Variants in HEATR5B observed in about 807,000 individuals in gnomAD.
The protein encoded by HEATR5B is HEAT repeat containing 5B, also known as HEAT repeat-containing protein 5B.
A neutral mutation model predicts 224.1 loss-of-function variants in HEATR5B; 156 were observed. The ratio of observed to expected loss-of-function variants is 0.70; its 90% CI spans 0.61 to 0.80. The LOEUF (loss-of-function observed/expected upper bound fraction) is 0.80. Ranked by LOEUF, HEATR5B falls within the 30% of genes least tolerant of loss-of-function variation. The pLI, the probability that HEATR5B is intolerant of heterozygous loss-of-function variation, is 0.00. For synonymous variants in HEATR5B, 1,027 were observed against 893.0 expected, an observed-to-expected ratio of 1.15 and a Z score of -2.68; for missense variants, 2,323 against 2,535.5, an observed-to-expected ratio of 0.92 and a Z score of 1.80.
chr2:37,039,418 A>T (rs922312242), intron 20 of HEATR5B, among the ~76,000 whole-genome samples: 1 of 152,044 alleles, frequency 6.6e-6, no homozygotes, highest in African/African-American at 2.4e-5. Context: ...GTCAGCTGAG[A>T]CCACACCACT....
chr2:37,074,381 A>C (rs1351964744), intron 5 of HEATR5B, among the ~76,000 whole-genome samples: 7 of 151,974 alleles, frequency 4.6e-5, no homozygotes, highest in African/African-American at 7.2e-5. Flanking sequence ...GAAAAAAAAA[A>C]CAAAAAATTT....
At position 37,037,865 on chromosome 2, in the gene HEATR5B, G is replaced by T; in HGVS notation, c.3206C>A (p.Pro1069His). 6.5e-7 allele frequency: 1 copy of T among 1,540,864 alleles called. No individual in the cohort carries two copies. The highest frequency in any genetic ancestry group is 8.8e-7 in the Non-Finnish European group (1 of 1,140,394). ...TAGCTCTATACTTACACAAAGGCTA[G>T]GAACAAGGCTAGATAGATTGACATG... ...PRHVNLSSLV[P>H]SLCVHLCSSH... Residue 1069 changes from proline (P) to histidine (H), a missense_variant, in exon 21 of 36, where the codon CCT becomes CAT. Transcript: ENST00000233099.
chr2:37,081,137 T>C (rs575374979), intron 2 of HEATR5B, among the ~76,000 whole-genome samples: 1 of 152,188 alleles, frequency 6.6e-6, no homozygotes, highest in South Asian at 2.1e-4. Flanking sequence ...AAGTGCTGTT[T>C]CAGTGGAGTG....
rs1333252356 is a variant in HEATR5B at position 37,005,616 on chromosome 2, T to C, written c.4905+16A>G. ...AAAAAAACCACACAAGTATCTATCATAGCAATACACTGTACCTGATCTTCT... is the reference window on the plus strand; with the variant it reads ...AAAAAAACCACACAAGTATCTATCACAGCAATACACTGTACCTGATCTTCT... On this transcript the variant is annotated intron_variant, in intron 30 of 35. Coordinates refer to ENST00000233099, the MANE Select transcript of HEATR5B (RefSeq NM_019024.3). 1.6e-5 allele frequency: 26 copies of C among 1,610,130 alleles called. No individual in the cohort carries two copies. Among genetic ancestry groups the C allele is most frequent in the Non-Finnish European group, 1.6e-5 (19 of 1,177,860 alleles).
rs1168329658 is a variant in HEATR5B at position 37,003,636 on chromosome 2, C to A, written c.4956G>T (p.Trp1652Cys). The change falls in exon 31 of 36, where the codon TGG (tryptophan) becomes TGT (cysteine). Residue 1652 changes from tryptophan (W) to cysteine (C), a missense_variant. Around this residue, in one of 12 missense-constraint regions of HEATR5B, gnomAD observed 844 missense variants for 812.9 expected, o/e 1.04. Transcript: ENST00000233099. ...CCAACAGCTGGACAGATGATGGATT[C>A]CAGGTCAATAGAAGGCGGTGCAAAA... ...LSVLHRLLLT[W>C]NPSSVQLLVT... 6.2e-7 allele frequency: 1 copy of A among 1,612,476 alleles called. No individual in the cohort carries two copies.
chr2:37,075,354 T>C, intron 5 of HEATR5B, 131 bp downstream of exon 5: 1 of 648,282 alleles, frequency 1.5e-6, no homozygotes, highest in Non-Finnish European at 2.6e-6. Context: ...CTATTATATA[T>C]AATTCTAGAA....
intron 18 of HEATR5B, among the ~76,000 whole-genome samples, chr2:37,047,444 T>A (rs893268501): frequency 6.6e-5 from 10 of 152,240 alleles, no homozygotes; most frequent in African/African-American, 1.9e-4. Flanking sequence ...AGTAACAGGT[T>A]AGTGAACCTA....
intron 30 of HEATR5B, among the ~76,000 whole-genome samples, chr2:37,004,107 C>A (rs886655224): frequency 1.3e-5 from 2 of 152,130 alleles, no homozygotes; most frequent in African/African-American, 4.8e-5. Flanking sequence ...TCAGCAACTA[C>A]TACAAACTTT....
At chr2:37,077,146 C>T (rs929531185) in intron 3 of HEATR5B, 127 bp from the exon 4 acceptor site, 3 of 708,300 alleles carry the variant, frequency 4.2e-6, no homozygotes, top group South Asian at 1.7e-5. Context: ...TTTCAACTAT[C>T]AAAAACAATT....
At chr2:36,989,195 C>T (rs1480349702) in intron 34 of HEATR5B, among the ~76,000 whole-genome samples, 1 of 152,186 alleles carries the variant, frequency 6.6e-6, no homozygotes, top group African/African-American at 2.4e-5. Context: ...AAGCGATTCT[C>T]CTGCCTCAGC....
At chr2:37,079,432 T>C in intron 2 of HEATR5B, 101 bp from the exon 3 acceptor site, 1 of 608,864 alleles carries the variant, frequency 1.6e-6, no homozygotes, top group Non-Finnish European at 2.9e-6. Context: ...CTCTAATAAT[T>C]AAAAATCTAT....
chr2:37,015,284 G>T (rs1311352424), intron 26 of HEATR5B, among the ~76,000 whole-genome samples: 1 of 152,232 alleles, frequency 6.6e-6, no homozygotes, highest in Non-Finnish European at 1.5e-5. Flanking sequence ...GTAAGCAATT[G>T]TGAGTTTCCA....
intron 4 of HEATR5B, chr2:37,076,031 A>C (rs1440492271): frequency 1.3e-5 from 2 of 153,480 alleles, no homozygotes; most frequent in East Asian, 3.8e-4. Flanking sequence ...GAAAACATCC[A>C]ACACATTTAA....
At chr2:37,042,889 C>CAAAAAAAAAAAAAAAA (rs373043531) in intron 18 of HEATR5B, among the ~76,000 whole-genome samples, 2 of 80,714 alleles carry the variant, frequency 2.5e-5, no homozygotes, top group Non-Finnish European at 2.3e-5. Flanking sequence ...GACTCTGTCT[C>CAAAAAAAAAAAAAAAA]AAAAAAAAAA....
intron 18 of HEATR5B, among the ~76,000 whole-genome samples, chr2:37,048,365 T>C (rs1375038166): frequency 6.6e-6 from 1 of 152,070 alleles, no homozygotes; most frequent in Non-Finnish European, 1.5e-5. Context: ...CTGTATGTTT[T>C]GTAGAGACAG....
intron 19 of HEATR5B, 65 bp downstream of exon 19, chr2:37,041,068 T>C (rs577147363): frequency 2.3e-6 from 3 of 1,318,482 alleles, no homozygotes; most frequent in East Asian, 2.4e-5. Flanking sequence ...TTTTATTTCA[T>C]AGAGCAAATA....
chr2:37,018,554 T>C (rs774987830), intron 26 of HEATR5B, among the ~76,000 whole-genome samples: 1 of 152,196 alleles, frequency 6.6e-6, no homozygotes, highest in Non-Finnish European at 1.5e-5. Flanking sequence ...TTCAGAGATA[T>C]CAATTTCAAA....
Position 37,075,531 on chromosome 2 carries a change from G to T in HEATR5B, c.551C>A (p.Ser184Tyr). Residue 184 changes from serine to tyrosine, a missense_variant, in exon 5 of 36, where the codon TCT (serine) becomes TAT (tyrosine). Transcript: ENST00000233099. Reference protein sequence around the residue: ...SHRDIYKNARSLLTDRSMAVR... With the variant: ...SHRDIYKNARYLLTDRSMAVR... ...AGCCATTGACCTATCAGTCAAGAGA[G>T]ACCTGGCATTCTTGTAAATATCACG... 6.2e-7 allele frequency: 1 copy of T among 1,614,074 alleles called. No individual in the cohort carries two copies. The highest frequency in any genetic ancestry group is 1.1e-5 in the South Asian group (1 of 91,078).
Position 37,072,285 on chromosome 2 carries a change from G to C in HEATR5B, c.598-4C>G, listed in dbSNP as rs1209125636. ...CATTCTGTAGTTCTAGTAGACACTGGAATTAAAAACAAAAAAGTAAATAAC... is the reference window on the plus strand; with the variant it reads ...CATTCTGTAGTTCTAGTAGACACTGCAATTAAAAACAAAAAAGTAAATAAC... On this transcript the variant is annotated splice_polypyrimidine_tract_variant and splice_region_variant and intron_variant, in intron 5 of 35. Transcript: ENST00000233099. 6 of 1,591,698 alleles carry C rather than the reference G, an allele frequency of 3.8e-6. No individual in the cohort carries two copies. The highest frequency in any genetic ancestry group is 1.4e-5 in the African/African-American group (1 of 74,036).
Sources: allele counts gnomAD v4.1 joint callset (sites outside exome capture counted in the v4.1 genomes callset), GRCh38; gene constraint gnomAD v4.1.1; regional missense constraint gnomAD v4.1.1; transcripts MANE v1.5; gene names NCBI Gene and HGNC (gene_info 2026-07-23, HGNC 2026-07-21).